The following FSTL5 variants were observed in gnomAD, a reference collection of about 807,000 sequenced individuals.
The protein encoded by FSTL5 is follistatin-related protein 5.
Under a neutral mutation model 89.1 loss-of-function variants are expected in FSTL5, and 62 were observed. The ratio of observed to expected loss-of-function variants is 0.70; its 90% confidence interval spans 0.57 to 0.86. The LOEUF (loss-of-function observed/expected upper bound fraction) is 0.86, where lower values mean the gene tolerates loss of function less well. FSTL5 is among the 40% of genes least tolerant of loss of function. FSTL5 has a pLI of 0.00. For missense variants in FSTL5, 1,057 were observed against 1,001.6 expected (o/e 1.06, Z -0.75); for synonymous variants, 383 against 346.2 (o/e 1.11, Z -1.18).
chr4:161,545,925 G>A (rs932168919), intron 8 of FSTL5, among the ~76,000 whole-genome samples: 2 of 151,774 alleles, frequency 1.3e-5, no homozygotes, highest in Non-Finnish European at 2.9e-5. Context: ...AAAAACAACA[G>A]TCAAGTTTTA....
At chr4:162,059,982 G>C (rs1455578534) in intron 2 of FSTL5, among the ~76,000 whole-genome samples, 2 of 152,078 alleles carry the variant, frequency 1.3e-5, no homozygotes, top group African/African-American at 4.8e-5. Context: ...GAAGAGAAAC[G>C]AATTGACTCA....
chr4:162,124,715 T>C (rs1433698429), intron 1 of FSTL5, among the ~76,000 whole-genome samples: 1 of 152,118 alleles, frequency 6.6e-6, no homozygotes, highest in Non-Finnish European at 1.5e-5. Flanking sequence ...TTGTTTTTTT[T>C]CTGAGACAGA....
chr4:161,517,595 A>G (rs1471087635), intron 10 of FSTL5, among the ~76,000 whole-genome samples: 1 of 149,306 alleles, frequency 6.7e-6, no homozygotes, highest in Non-Finnish European at 1.5e-5. Flanking sequence ...CTATAAAGAA[A>G]CGTATGTGGA....
intron 15 of FSTL5, among the ~76,000 whole-genome samples, chr4:161,415,231 C>A (rs112839886): frequency 2.6e-5 from 4 of 152,106 alleles, no homozygotes; most frequent in African/African-American, 9.6e-5. Context: ...CAGCTTGGGC[C>A]AGCATTGTTT....
intron 4 of FSTL5, among the ~76,000 whole-genome samples, chr4:161,823,793 T>C (rs1420579708): frequency 6.6e-6 from 1 of 152,212 alleles, no homozygotes; most frequent in African/African-American, 2.4e-5. Context: ...GCCATCAATA[T>C]GTTTGTTGGC....
chr4:162,090,472 C>A (rs1471569782), intron 2 of FSTL5, among the ~76,000 whole-genome samples: 1 of 152,040 alleles, frequency 6.6e-6, no homozygotes, highest in African/African-American at 2.4e-5. Flanking sequence ...ATGCACCCAA[C>A]AAGCATGTGA....
intron 3 of FSTL5, among the ~76,000 whole-genome samples, chr4:161,928,344 T>A (rs561152874): frequency 1.8e-4 from 27 of 151,978 alleles, no homozygotes; most frequent in Non-Finnish European, 3.1e-4. Context: ...AGGTTTGGCA[T>A]TGTAAATAAA....
chr4:161,411,755 A>G (rs774216270), intron 15 of FSTL5, among the ~76,000 whole-genome samples: 1 of 152,124 alleles, frequency 6.6e-6, no homozygotes, highest in African/African-American at 2.4e-5. Context: ...AGCTCAAACC[A>G]TCCCCTTTGA....
intron 12 of FSTL5, 77 bp from the exon 13 acceptor site, chr4:161,481,246 A>C (rs932014913): frequency 1.8e-6 from 2 of 1,103,128 alleles, no homozygotes; most frequent in Admixed American, 2.4e-5. Flanking sequence ...GGGTAAAATT[A>C]ATGTTTCATA....
chr4:161,701,457 A>G lies in FSTL5; in HGVS notation c.728-44963T>C, dbSNP rs73862372. ...CTTCCCAAAGTAACTTTCACAAGTA[A>G]AACTAAGGAGGCTGTTTTTCCCTAA... On this transcript the variant is annotated intron_variant, in intron 6 of 15. Transcript: ENST00000306100. 1.8e-3 allele frequency among the ~76,000 whole-genome samples: 270 copies of G among 152,226 alleles called. 1 individual carries two copies. Among genetic ancestry groups the G allele is most frequent in the African/African-American group, 6.0e-3 (250 of 41,570 alleles).
intron 8 of FSTL5, among the ~76,000 whole-genome samples, chr4:161,576,619 T>C (rs772239720): frequency 6.6e-6 from 1 of 152,132 alleles, no homozygotes; most frequent in Admixed American, 6.5e-5. Flanking sequence ...GCTAGCCATA[T>C]GCAGAAAATA....
chr4:161,415,630 G>T, intron 15 of FSTL5, among the ~76,000 whole-genome samples: 1 of 151,108 alleles, frequency 6.6e-6, no homozygotes, highest in Admixed American at 6.6e-5. Context: ...CTCAAAAAGA[G>T]ATATGTTGTA....
intron 4 of FSTL5, among the ~76,000 whole-genome samples, chr4:161,896,856 C>T (rs1046858573): frequency 6.6e-6 from 1 of 152,074 alleles, no homozygotes; most frequent in Non-Finnish European, 1.5e-5. Context: ...ATAAATCTAT[C>T]TTAGTGTAAA....
chr4:161,959,445 G>A (rs1009479555), intron 3 of FSTL5, among the ~76,000 whole-genome samples: 2 of 151,894 alleles, frequency 1.3e-5, no homozygotes, highest in Non-Finnish European at 2.9e-5. Flanking sequence ...ATATGCTTTA[G>A]GTAAATAGTT....
chr4:161,919,282 A>G (rs949275389), intron 4 of FSTL5, among the ~76,000 whole-genome samples: 2 of 152,200 alleles, frequency 1.3e-5, no homozygotes, highest in Non-Finnish European at 2.9e-5. Flanking sequence ...AGAGGCACAC[A>G]GTACACTATG....
At chr4:161,403,248 A>G (rs1026113251) in intron 15 of FSTL5, among the ~76,000 whole-genome samples, 14 of 152,236 alleles carry the variant, frequency 9.2e-5, no homozygotes, top group African/African-American at 3.1e-4. Context: ...TTCCTGATTT[A>G]CAAACTTCTT....
chr4:161,409,094 C>T (rs1731498238), intron 15 of FSTL5, among the ~76,000 whole-genome samples: 1 of 152,058 alleles, frequency 6.6e-6, no homozygotes, highest in South Asian at 2.1e-4. Context: ...ATGACTATTT[C>T]CAAGGCACAT....
chr4:161,976,995 T>G (rs1467063713), intron 3 of FSTL5, among the ~76,000 whole-genome samples: 1 of 152,196 alleles, frequency 6.6e-6, no homozygotes, highest in Non-Finnish European at 1.5e-5. Flanking sequence ...GCTATCTTCA[T>G]TTTATCCATT....
chr4:161,552,975 A>C (rs1400385579), intron 8 of FSTL5, among the ~76,000 whole-genome samples: 1 of 151,570 alleles, frequency 6.6e-6, no homozygotes, highest in East Asian at 1.9e-4. Context: ...TTTTCTTTCT[A>C]TTGGCAACAC....
Sources: gnomAD v4.1 joint callset for allele counts (sites outside exome capture counted in the v4.1 genomes callset) on GRCh38, gnomAD v4.1.1 for gene constraint, MANE v1.5 for transcripts, NCBI Gene and HGNC (gene_info 2026-07-23, HGNC 2026-07-21) for gene names.